The following THSD7B variants were observed in gnomAD, a reference collection of about 807,000 sequenced individuals.
THSD7B encodes the protein thrombospondin type-1 domain-containing protein 7B.
A neutral mutation model predicts 213.6 loss-of-function variants in THSD7B; 138 were observed. The observed-to-expected ratio is 0.65, with a 90% CI of 0.56 to 0.74. THSD7B has a LOEUF of 0.74. Ranked by LOEUF, THSD7B falls within the 30% of genes least tolerant of loss-of-function variation. The pLI is 0.00. For synonymous variants in THSD7B, 742 were observed against 687.0 expected, an observed-to-expected ratio of 1.08 and a Z score of -1.25; for missense variants, 1,931 against 1,991.5, an observed-to-expected ratio of 0.97 and a Z score of 0.58.
chr2:137,315,415 C>T lies in THSD7B; in HGVS notation c.2500+39389C>T, dbSNP rs561265657. Among the ~76,000 whole-genome samples, 366 of 152,234 alleles carry T rather than the reference C, an allele frequency of 2.4e-3. 5 individuals carry two copies. The highest frequency in any genetic ancestry group is 8.6e-3 in the African/African-American group (359 of 41,542). The stretch of plus-strand genomic sequence containing the variant: ...GACCTGCGCCCACTGTCTGGCACTC[C>T]CTAGTGAGATGAACCCGATACCTCA... On this transcript the variant is annotated intron_variant, in intron 12 of 27. Coordinates refer to ENST00000409968, the MANE Select transcript of THSD7B (RefSeq NM_001316349.2).
chr2:136,830,841 A>ATTGTAATAAATAAAAT, intron 1 of THSD7B, among the ~76,000 whole-genome samples: 1 of 152,038 alleles, frequency 6.6e-6, no homozygotes, highest in African/African-American at 2.4e-5. Flanking sequence ...CTATTATTTT[A>ATTGTAATAAATAAAAT]CTCCACCTTG....
chr2:137,334,976 T>A (rs116336580), intron 12 of THSD7B, among the ~76,000 whole-genome samples: 2,018 of 152,300 alleles, frequency 0.013, 59 homozygotes, highest in African/African-American at 0.047. Flanking sequence ...CCTGCTGACC[T>A]GTCAAGAGGT....
At chr2:137,150,691 G>A (rs912272701) in intron 5 of THSD7B, among the ~76,000 whole-genome samples, 3 of 152,226 alleles carry the variant, frequency 2.0e-5, no homozygotes, top group East Asian at 1.9e-4. Context: ...GACTAATACA[G>A]GGCTTAATGA....
chr2:136,912,367 G>T (rs1290203326), intron 2 of THSD7B, among the ~76,000 whole-genome samples: 1 of 139,902 alleles, frequency 7.1e-6, no homozygotes, highest in East Asian at 2.3e-4. Flanking sequence ...GAACTTAAAA[G>T]GTTTAACACA....
chr2:137,025,127 A>C (rs995145041), intron 2 of THSD7B, among the ~76,000 whole-genome samples: 2 of 152,160 alleles, frequency 1.3e-5, no homozygotes, highest in Admixed American at 6.6e-5. Flanking sequence ...AAGTCTACCC[A>C]GTCTTTTCAT....
intron 15 of THSD7B, among the ~76,000 whole-genome samples, chr2:137,538,305 T>C (rs1680543556): frequency 6.6e-6 from 1 of 151,632 alleles, no homozygotes; most frequent in African/African-American, 2.4e-5. Context: ...GGGGAAGTAT[T>C]TTGCTCGAGA....
intron 14 of THSD7B, among the ~76,000 whole-genome samples, chr2:137,418,969 G>A (rs1013088646): frequency 1.5e-4 from 23 of 151,534 alleles, no homozygotes; most frequent in Non-Finnish European, 2.4e-4. Flanking sequence ...GTGCAGGGGT[G>A]CAATCTGGGC....
At chr2:137,659,452 C>T (rs2104820065) in intron 24 of THSD7B, among the ~76,000 whole-genome samples, 2 of 152,304 alleles carry the variant, frequency 1.3e-5, no homozygotes, top group African/African-American at 4.8e-5. Flanking sequence ...AAAAACTCTA[C>T]TGCAAATAGC....
At chr2:137,173,209 A>G (rs2104997470) in intron 7 of THSD7B, among the ~76,000 whole-genome samples, 2 of 152,338 alleles carry the variant, frequency 1.3e-5, no homozygotes, top group African/African-American at 4.8e-5. Context: ...TACAATTATT[A>G]TTCTACCCGG....
chr2:137,010,513 T>C (rs1686211216), intron 2 of THSD7B, among the ~76,000 whole-genome samples: 1 of 152,206 alleles, frequency 6.6e-6, no homozygotes, highest in Non-Finnish European at 1.5e-5. Flanking sequence ...TTATCACACT[T>C]GGTTGTAGTT....
chr2:137,593,731 T>A (rs1188841435), intron 17 of THSD7B, among the ~76,000 whole-genome samples: 2 of 151,994 alleles, frequency 1.3e-5, no homozygotes, highest in Non-Finnish European at 2.9e-5. Flanking sequence ...GCGTTTTACC[T>A]TTTTATCACA....
rs1036243503 is a variant in THSD7B at position 137,639,200 on chromosome 2, G to C, written c.3800-3288G>C. On this transcript the variant is annotated intron_variant, in intron 20 of 27. Transcript: ENST00000409968. ...GTGGTTTTGTGGGCCTCGGGACTTG[G>C]TGCCCTGTGTCCCAGCTGCTCCAGC... is the stretch of plus-strand genomic sequence containing the variant. Among the ~76,000 whole-genome samples the C allele has an allele frequency of 3.9e-5, 6 of 152,216 alleles. 1 individual carries two copies. The highest frequency in any genetic ancestry group is 1.4e-4 in the African/African-American group (6 of 41,554).
rs555998142 is a variant in THSD7B, at chr2:137,042,155, G to A, written c.140-14265G>A. On this transcript the variant is annotated intron_variant, in intron 2 of 27. Transcript: ENST00000409968. ...TCCTTGTGAACATGTGGCAGATCTC[G>A]GACTTTTACTGATGTGTTCATTGTT... Among the ~76,000 whole-genome samples the A allele has an allele frequency of 1.4e-4, 22 of 152,110 alleles. 1 individual carries two copies. The South Asian group carries it at 3.7e-3, about 26-fold the overall frequency.
At chr2:137,221,289 AAAAAACAAAAAC>A (rs1006886406) in intron 7 of THSD7B, among the ~76,000 whole-genome samples, 6 of 152,110 alleles carry the variant, frequency 3.9e-5, no homozygotes, top group Admixed American at 3.3e-4. Flanking sequence ...TCCGTCTCAA[AAAAAACAAAAAC>A]AAAAACAAAA....
chr2:137,565,396 T>C (rs80305940), intron 16 of THSD7B, among the ~76,000 whole-genome samples: 2,560 of 152,074 alleles, frequency 0.017, 70 homozygotes, highest in East Asian at 0.076. Context: ...GGTTGGAAAG[T>C]AGAAGGACAA....
intron 15 of THSD7B, 33 bp from the exon 16 acceptor site, chr2:137,563,188 C>A: frequency 6.2e-7 from 1 of 1,605,260 alleles, no homozygotes; most frequent in Non-Finnish European, 8.5e-7. Context: ...TGGATAGTTC[C>A]ACATAATTTT....
At chr2:136,885,136 T>G (rs1294266192) in intron 2 of THSD7B, among the ~76,000 whole-genome samples, 3 of 152,174 alleles carry the variant, frequency 2.0e-5, no homozygotes, top group Non-Finnish European at 4.4e-5. Flanking sequence ...TTGAACAGAT[T>G]TCCATGGAGA....
At chr2:137,373,891 G>A (rs1466398872) in intron 12 of THSD7B, among the ~76,000 whole-genome samples, 1 of 152,128 alleles carries the variant, frequency 6.6e-6, no homozygotes, top group Non-Finnish European at 1.5e-5. Flanking sequence ...TGTAAGGAAG[G>A]GATCCAGTTT....
intron 27 of THSD7B, among the ~76,000 whole-genome samples, chr2:137,673,822 C>T (rs1683634698): frequency 6.6e-6 from 1 of 152,148 alleles, no homozygotes; most frequent in African/African-American, 2.4e-5. Context: ...AGCCATAAAA[C>T]TTCTCAGATC....
Sources: allele counts gnomAD v4.1 joint callset (sites outside exome capture counted in the v4.1 genomes callset), GRCh38; gene constraint gnomAD v4.1.1; transcripts MANE v1.5; gene names NCBI Gene and HGNC (gene_info 2026-07-23, HGNC 2026-07-21).